Variants in VSIG10 observed in about 807,000 individuals in gnomAD.
VSIG10 encodes the protein V-set and immunoglobulin domain containing 10, also known as V-set and immunoglobulin domain-containing protein 10.
In VSIG10, 48 loss-of-function variants were observed where a neutral mutation model predicts 58.7. The observed-to-expected ratio is 0.82, with a 90% CI of 0.65 to 1.04. VSIG10 has a LOEUF of 1.04. Ranked by LOEUF, VSIG10 falls within the 50% of genes least tolerant of loss-of-function variation. The pLI, the probability that VSIG10 is intolerant of heterozygous loss-of-function variation, is 0.00. For missense variants in VSIG10, 628 were observed against 670.0 expected, an observed-to-expected ratio of 0.94 and a Z score of 0.69; for synonymous variants, 260 against 267.1, an observed-to-expected ratio of 0.97 and a Z score of 0.26.
intron 2 of VSIG10, among the ~76,000 whole-genome samples, chr12:118,088,324 G>C (rs6490165): frequency 0.33 from 49,689 of 151,542 alleles, 8,933 homozygotes; most frequent in Admixed American, 0.44. Context: ...GAATCCCATC[G>C]CTGGCTTAAC....
intron 2 of VSIG10, among the ~76,000 whole-genome samples, chr12:118,084,241 A>T (rs2033052689): frequency 6.6e-6 from 1 of 152,134 alleles, no homozygotes; most frequent in African/African-American, 2.4e-5. Flanking sequence ...TTCCTTACCC[A>T]CCACAAATAT....
intron 8 of VSIG10, among the ~76,000 whole-genome samples, chr12:118,067,557 G>A (rs1438577848): frequency 1.3e-5 from 2 of 148,836 alleles, no homozygotes; most frequent in African/African-American, 2.5e-5. Flanking sequence ...TCCGTCTCCC[G>A]GGTTCAAGTG....
intron 1 of VSIG10, 83 bp from the exon 2 acceptor site, chr12:118,095,897 AT>A (rs1443551947): frequency 3.9e-6 from 4 of 1,027,064 alleles, no homozygotes; most frequent in South Asian, 1.7e-5. Flanking sequence ...CTGTATTAGG[AT>A]TTTTTTAAAA....
chr12:118,067,999 C>T (rs867856275), intron 8 of VSIG10, among the ~76,000 whole-genome samples: 2 of 149,942 alleles, frequency 1.3e-5, no homozygotes, highest in Admixed American at 1.3e-4. Context: ...GGAAGCTCAC[C>T]GCAGCAGTTC....
At chr12:118,097,615 A>T (rs1224660230) in intron 1 of VSIG10, among the ~76,000 whole-genome samples, 1 of 151,068 alleles carries the variant, frequency 6.6e-6, no homozygotes, top group Non-Finnish European at 1.5e-5. Flanking sequence ...ACTCTGTCTC[A>T]AAAACAAGAA....
chr12:118,088,953 T>C (rs1381788733), intron 2 of VSIG10, among the ~76,000 whole-genome samples: 4 of 151,568 alleles, frequency 2.6e-5, no homozygotes, highest in Admixed American at 6.6e-5. Context: ...TTTTCTTTTT[T>C]TTTTTTTTTT....
chr12:118,083,114 CAAAAAAAAAAAAAAAAAAAAA>C (rs61523301), intron 2 of VSIG10, among the ~76,000 whole-genome samples: 1 of 55,002 alleles, frequency 1.8e-5, no homozygotes, highest in Admixed American at 2.8e-4. Context: ...CTCCGTCTCA[CAAAAAAAAAAAAAAAAAAAAA>C]AAAAAAAAAA....
intron 3 of VSIG10, among the ~76,000 whole-genome samples, chr12:118,081,317 T>C (rs988571455): frequency 2.0e-5 from 3 of 152,212 alleles, no homozygotes; most frequent in African/African-American, 7.2e-5. Context: ...TGCCACTGAA[T>C]TATACATTTT....
chr12:118,093,857 C>T (rs1262916837), intron 2 of VSIG10, among the ~76,000 whole-genome samples: 2 of 151,788 alleles, frequency 1.3e-5, no homozygotes, highest in Middle Eastern at 3.4e-3. Flanking sequence ...TGTGGTGAGC[C>T]GAGATTGCAT....
chr12:118,086,304 C>A (rs1363624874), intron 2 of VSIG10, among the ~76,000 whole-genome samples: 1 of 151,858 alleles, frequency 6.6e-6, no homozygotes, highest in Non-Finnish European at 1.5e-5. Flanking sequence ...CCTGTCCCTA[C>A]TAAAAACACA....
At chr12:118,084,092 C>T (rs1229068871) in intron 2 of VSIG10, among the ~76,000 whole-genome samples, 1 of 152,096 alleles carries the variant, frequency 6.6e-6, no homozygotes, top group Non-Finnish European at 1.5e-5. Flanking sequence ...TACACTCCAG[C>T]CTGGGTGACA....
chr12:118,100,497 A>C (rs1017996676), intron 1 of VSIG10, among the ~76,000 whole-genome samples: 1 of 144,348 alleles, frequency 6.9e-6, no homozygotes, highest in African/African-American at 2.6e-5. Context: ...ACTCTGTCTC[A>C]AAAAAAAAAG....
intron 4 of VSIG10, among the ~76,000 whole-genome samples, chr12:118,075,160 A>ATGTATATATATGTATATATGTG (rs2032670526): frequency 4.6e-5 from 3 of 65,392 alleles, no homozygotes; most frequent in Non-Finnish European, 8.8e-5. Context: ...ATGTATATAT[A>ATGTATATATATGTATATATGTG]TGTATATATA....
intron 2 of VSIG10, among the ~76,000 whole-genome samples, chr12:118,085,589 T>A (rs1031809030): frequency 6.6e-6 from 1 of 152,208 alleles, no homozygotes; most frequent in East Asian, 1.9e-4. Flanking sequence ...TGGCTGGGCA[T>A]GATGGCTCAT....
chr12:118,100,329 C>T (rs936961211), intron 1 of VSIG10, among the ~76,000 whole-genome samples: 5 of 151,798 alleles, frequency 3.3e-5, no homozygotes, highest in Non-Finnish European at 7.4e-5. Flanking sequence ...AACCCCGTTT[C>T]TACTAAAAAT....
intron 2 of VSIG10, among the ~76,000 whole-genome samples, chr12:118,095,182 C>T (rs1398212626): frequency 2.0e-5 from 3 of 152,118 alleles, no homozygotes; most frequent in Non-Finnish European, 4.4e-5. Context: ...GGATTACAGG[C>T]GTAAGCCACC....
intron 3 of VSIG10, among the ~76,000 whole-genome samples, chr12:118,081,569 C>T (rs988886237): frequency 6.6e-6 from 1 of 152,110 alleles, no homozygotes; most frequent in African/African-American, 2.4e-5. Flanking sequence ...CATTAGTGTT[C>T]TTCCGTGGTT....
At chr12:118,072,688 T>C (rs1566157164) in intron 5 of VSIG10, among the ~76,000 whole-genome samples, 1 of 151,964 alleles carries the variant, frequency 6.6e-6, no homozygotes, top group Non-Finnish European at 1.5e-5. Flanking sequence ...TGCGACCTCA[T>C]CTGTATAAAA....
Position 118,082,285 on chromosome 12 carries a change from G to A in VSIG10, c.506C>T (p.Ala169Val), listed in dbSNP as rs1242811875. ...AAAGGACTCGCTGCTGGAATTCAGG[G>A]CCTGGAACCACCATTCAACCACGGG... ...PPPVVEWWFQ[A>V]LNSSSESFGH... Residue 169 changes from alanine to valine, a missense_variant, in exon 3 of 9, where the codon GCC becomes GTC. Ala to Val is a moderately conservative substitution (Grantham distance 64). Coordinates refer to ENST00000359236, the MANE Select transcript of VSIG10 (RefSeq NM_019086.6). 1 of 1,613,952 alleles carries A rather than the reference G, an allele frequency of 6.2e-7. No homozygotes were observed. Among genetic ancestry groups the A allele is most frequent in the Non-Finnish European group, 8.5e-7 (1 of 1,179,880 alleles).
Sources: allele counts gnomAD v4.1 joint callset (sites outside exome capture counted in the v4.1 genomes callset), GRCh38; gene constraint gnomAD v4.1.1; transcripts MANE v1.5; gene names NCBI Gene and HGNC (gene_info 2026-07-23, HGNC 2026-07-21).